Variants in SLC17A5 observed in about 807,000 individuals in gnomAD.
SLC17A5 encodes the protein sialin.
SLC17A5 carries 47 observed loss-of-function variants against 59.4 expected under a neutral mutation model. The observed-to-expected ratio is 0.79, with a 90% CI of 0.63 to 1.01. SLC17A5 has a LOEUF of 1.01. SLC17A5 is among the 50% of genes least tolerant of loss of function. The pLI is 0.00. For synonymous variants in SLC17A5, 202 were observed against 210.7 expected (o/e 0.96, Z 0.36); for missense variants, 522 against 595.5 (o/e 0.88, Z 1.28).
Position 73,623,034 on chromosome 6 carries a change from T to G in SLC17A5, c.820-1072A>C, listed in dbSNP as rs146497128. 2.4e-4 allele frequency among the ~76,000 whole-genome samples: 37 copies of G among 152,262 alleles called. No homozygotes were observed. The East Asian group carries it at 7.1e-3, about 29-fold the overall frequency. ...CAGAGTATTATAGCATATTGCAGTT[T>G]AAGTACTATTTTATTTTATTTTAAG... On this transcript the variant is annotated intron_variant, in intron 6 of 10. Transcript: ENST00000355773.
intron 1 of SLC17A5, chr6:73,653,347 G>GT (rs1769957965): frequency 1.0e-6 from 1 of 985,328 alleles, no homozygotes; most frequent in African/African-American, 1.7e-5. Context: ...TGATCTGCAG[G>GT]TTTCTCCTCC....
At chr6:73,640,039 C>A (rs969267862) in intron 3 of SLC17A5, among the ~76,000 whole-genome samples, 1 of 152,178 alleles carries the variant, frequency 6.6e-6, no homozygotes, top group African/African-American at 2.4e-5. Context: ...GAGTGAGACT[C>A]CGTCTCAAAG....
chr6:73,653,127 A>G (rs1769946324), intron 1 of SLC17A5: 2 of 985,342 alleles, frequency 2.0e-6, no homozygotes, highest in African/African-American at 1.7e-5. Context: ...CCAGACGGAA[A>G]AAAAATGTCC....
At chr6:73,637,736 T>C (rs1327591434) in intron 4 of SLC17A5, among the ~76,000 whole-genome samples, 3 of 152,190 alleles carry the variant, frequency 2.0e-5, no homozygotes, top group Non-Finnish European at 4.4e-5. Flanking sequence ...TTTGTTCTTA[T>C]CCTTCAGATT....
At chr6:73,619,532 AAAAAAC>A (rs1768040898) in intron 7 of SLC17A5, among the ~76,000 whole-genome samples, 1 of 151,990 alleles carries the variant, frequency 6.6e-6, no homozygotes, top group Non-Finnish European at 1.5e-5. Flanking sequence ...TACTATTTAA[AAAAAAC>A]AAAAACAAAA....
At chr6:73,602,636 G>C (rs183274307) in intron 9 of SLC17A5, among the ~76,000 whole-genome samples, 6 of 152,146 alleles carry the variant, frequency 3.9e-5, no homozygotes, top group Admixed American at 2.0e-4. Flanking sequence ...TTAGCCGGCC[G>C]TGATGGCAGG....
intron 6 of SLC17A5, among the ~76,000 whole-genome samples, chr6:73,625,594 T>C (rs1768372887): frequency 6.6e-6 from 1 of 152,158 alleles, no homozygotes; most frequent in South Asian, 2.1e-4. Context: ...CAGCTATACT[T>C]TACAATTATA....
At chr6:73,643,527 AGTGGAATGGC>A (rs1769394562) in intron 2 of SLC17A5, among the ~76,000 whole-genome samples, 1 of 151,872 alleles carries the variant, frequency 6.6e-6, no homozygotes, top group African/African-American at 2.4e-5. Flanking sequence ...CCCAGGCTGG[AGTGGAATGGC>A]GTGATCTCGG....
At chr6:73,609,908 A>T (rs1296634860) in intron 9 of SLC17A5, among the ~76,000 whole-genome samples, 1 of 152,164 alleles carries the variant, frequency 6.6e-6, no homozygotes, top group African/African-American at 2.4e-5. Context: ...TAACGGGTAC[A>T]GTTTCTGTTG....
intron 9 of SLC17A5, among the ~76,000 whole-genome samples, chr6:73,602,085 TCTGTA>T (rs1324125659): frequency 6.6e-6 from 1 of 151,910 alleles, no homozygotes; most frequent in East Asian, 1.9e-4. Flanking sequence ...TTCATTTTGT[TCTGTA>T]CTAAGATACA....
intron 3 of SLC17A5, among the ~76,000 whole-genome samples, chr6:73,640,030 A>G (rs1387764283): frequency 1.3e-5 from 2 of 152,208 alleles, no homozygotes; most frequent in Non-Finnish European, 2.9e-5. Flanking sequence ...TGGGCAACAG[A>G]GTGAGACTCC....
chr6:73,633,677 G>A (rs13215878), intron 6 of SLC17A5, among the ~76,000 whole-genome samples: 1 of 151,826 alleles, frequency 6.6e-6, no homozygotes, highest in Non-Finnish European at 1.5e-5. Flanking sequence ...CCAGGAGTTC[G>A]AGACCAGCCT....
chr6:73,641,882 G>A lies in SLC17A5; in HGVS notation c.334C>T (p.Leu112Phe). 1.2e-6 allele frequency: 2 copies of A among 1,614,152 alleles called. No homozygotes were observed. Among genetic ancestry groups the A allele is most frequent in the Non-Finnish European group, 1.7e-6 (2 of 1,180,022 alleles). ...ATGTAGCCATAAAAAAAGGAACCGA[G>A]AATCCATCCTTGAGTTTCTGCATCC... Reference protein sequence around the residue: ...QWDAETQGWILGSFFYGYIIT... With the variant: ...QWDAETQGWIFGSFFYGYIIT... Residue 112 changes from leucine to phenylalanine, a missense_variant, in exon 3 of 11, where the codon CTC becomes TTC. Coordinates refer to ENST00000355773, the MANE Select transcript of SLC17A5 (RefSeq NM_012434.5).
chr6:73,622,984 G>A (rs1476164562), intron 6 of SLC17A5, among the ~76,000 whole-genome samples: 3 of 152,104 alleles, frequency 2.0e-5, no homozygotes, highest in African/African-American at 7.2e-5. Context: ...GTTAATAATG[G>A]CATCCTCACT....
At chr6:73,600,482 C>T in intron 9 of SLC17A5, 41 bp from the exon 10 acceptor site, 1 of 1,053,224 alleles carries the variant, frequency 9.5e-7, no homozygotes, top group South Asian at 1.3e-5. Context: ...TTGTGATACA[C>T]ATTTAAACAG....
chr6:73,612,405 C>T (rs567334286), intron 8 of SLC17A5, among the ~76,000 whole-genome samples: 42 of 152,110 alleles, frequency 2.8e-4, no homozygotes, highest in African/African-American at 8.4e-4. Flanking sequence ...TGCCTGCCTC[C>T]GCCTCTGCCT....
chr6:73,635,635 C>T lies in SLC17A5; in HGVS notation c.701-135G>A, dbSNP rs1389194555. 5.1e-6 allele frequency: 3 copies of T among 587,044 alleles called. No homozygotes were observed. In the African/African-American group the frequency reaches 5.6e-5, roughly 11 times the overall value. 36.4% of individuals were successfully genotyped at this position (587,044 alleles called of 1,614,324 possible). ...TGAAAAAATTATGTAACTATAAATT[C>T]AATGTAAAACTGACTTCAGTTTGGA... is the stretch of plus-strand genomic sequence containing the variant. On this transcript the variant is annotated intron_variant, in intron 5 of 10. Coordinates refer to ENST00000355773, the MANE Select transcript of SLC17A5 (RefSeq NM_012434.5).
intron 7 of SLC17A5, among the ~76,000 whole-genome samples, chr6:73,619,549 A>C (rs565030214): frequency 3.9e-5 from 6 of 152,056 alleles, no homozygotes; most frequent in African/African-American, 1.2e-4. Context: ...AAAAACAAAA[A>C]CACCTAGGCC....
chr6:73,639,018 T>C (rs1240606256), intron 3 of SLC17A5, among the ~76,000 whole-genome samples: 1 of 152,146 alleles, frequency 6.6e-6, no homozygotes, highest in Non-Finnish European at 1.5e-5. Context: ...TGAGCTAATA[T>C]TTTGGGATAC....
Sources: allele counts gnomAD v4.1 joint callset (sites outside exome capture counted in the v4.1 genomes callset), GRCh38; gene constraint gnomAD v4.1.1; transcripts MANE v1.5; gene names NCBI Gene and HGNC (gene_info 2026-07-23, HGNC 2026-07-21).